The following PSD3 variants were observed in gnomAD, a reference collection of about 807,000 sequenced individuals.
The protein encoded by PSD3 is pleckstrin and Sec7 domain containing 3, also known as PH and SEC7 domain-containing protein 3.
In PSD3, 49 loss-of-function variants were observed where a neutral mutation model predicts 105.5. The ratio of observed to expected loss-of-function variants is 0.46; its 90% CI spans 0.37 to 0.59. PSD3 has a LOEUF of 0.59. Among genes scored for constraint, PSD3 ranks in the 20% least tolerant of loss-of-function variants. The pLI is 0.00. For missense variants in PSD3, 1,561 were observed against 1,263.8 expected (o/e 1.24, Z -3.57); for synonymous variants, 557 against 457.8 (o/e 1.22, Z -2.77).
intron 11 of PSD3, 64 bp downstream of exon 11, chr8:18,632,549 C>T (rs1806977143): frequency 1.3e-6 from 2 of 1,499,396 alleles, no homozygotes; most frequent in South Asian, 2.5e-5. Flanking sequence ...AGATAAATTC[C>T]CTTTAAATTT....
intron 2 of PSD3, among the ~76,000 whole-genome samples, chr8:18,910,637 T>A (rs578020681): frequency 5.2e-3 from 502 of 96,896 alleles, no homozygotes; most frequent in Non-Finnish European, 6.7e-3. Flanking sequence ...TAGAGTATAA[T>A]AAAAAAAAAA....
At chr8:18,959,200 C>G (rs994391689) in intron 1 of PSD3, among the ~76,000 whole-genome samples, 9 of 152,260 alleles carry the variant, frequency 5.9e-5, no homozygotes, top group African/African-American at 2.2e-4. Context: ...GGATTACGGG[C>G]GTGAGCCACC....
intron 1 of PSD3, among the ~76,000 whole-genome samples, chr8:19,008,952 T>C (rs1826830048): frequency 6.6e-6 from 1 of 152,224 alleles, no homozygotes; most frequent in South Asian, 2.1e-4. Context: ...CAACACCCTC[T>C]GTGGTTGAAG....
At chr8:19,045,226 G>T (rs1055736034) in intron 1 of PSD3, among the ~76,000 whole-genome samples, 2 of 151,846 alleles carry the variant, frequency 1.3e-5, no homozygotes, top group African/African-American at 4.8e-5. Context: ...AAAAGAAAAA[G>T]AAAAGTAAAA....
intron 1 of PSD3, among the ~76,000 whole-genome samples, chr8:19,038,551 C>A (rs1335624122): frequency 6.6e-6 from 1 of 152,182 alleles, no homozygotes; most frequent in Non-Finnish European, 1.5e-5. Context: ...GTCTTAACCT[C>A]CTGGGCTCAA....
At chr8:18,956,224 T>C (rs1402355648) in intron 1 of PSD3, among the ~76,000 whole-genome samples, 1 of 152,170 alleles carries the variant, frequency 6.6e-6, no homozygotes, top group East Asian at 1.9e-4. Flanking sequence ...GTTCAGCAGA[T>C]TGTATCACAT....
intron 9 of PSD3, among the ~76,000 whole-genome samples, chr8:18,761,577 A>T (rs928510136): frequency 3.3e-5 from 5 of 152,178 alleles, no homozygotes; most frequent in African/African-American, 9.7e-5. Flanking sequence ...TACAGTTCTC[A>T]AATCATAATC....
At chr8:18,860,766 A>C (rs1480262889) in intron 4 of PSD3, among the ~76,000 whole-genome samples, 2 of 152,164 alleles carry the variant, frequency 1.3e-5, no homozygotes, top group Non-Finnish European at 2.9e-5. Context: ...CTTCCTTTAA[A>C]AGTTAAATAT....
At chr8:18,571,962 G>A (rs1274664980) in intron 14 of PSD3, among the ~76,000 whole-genome samples, 1 of 152,114 alleles carries the variant, frequency 6.6e-6, no homozygotes, top group Non-Finnish European at 1.5e-5. Context: ...CTTTTAGTAA[G>A]ATTAATCTGA....
At chr8:18,972,939 T>C (rs1374960100) in intron 1 of PSD3, among the ~76,000 whole-genome samples, 1 of 152,158 alleles carries the variant, frequency 6.6e-6, no homozygotes, top group Non-Finnish European at 1.5e-5. Context: ...AACGAGGTTT[T>C]AAAAAAATGA....
chr8:18,643,636 T>C (rs1585479744), intron 10 of PSD3, among the ~76,000 whole-genome samples: 1 of 152,054 alleles, frequency 6.6e-6, no homozygotes, highest in South Asian at 2.1e-4. Context: ...CAAAACCAAA[T>C]AGGGAAAACA....
At chr8:18,849,030 C>T (rs946909955) in intron 4 of PSD3, among the ~76,000 whole-genome samples, 11 of 152,228 alleles carry the variant, frequency 7.2e-5, no homozygotes, top group Admixed American at 1.3e-4. Flanking sequence ...AGGCCAAAAT[C>T]ACCTTAGATC....
chr8:18,763,479 G>A (rs1806713985), intron 9 of PSD3, among the ~76,000 whole-genome samples: 1 of 151,992 alleles, frequency 6.6e-6, no homozygotes, highest in East Asian at 1.9e-4. Context: ...TTTTCCCCCA[G>A]AATTCAAGTA....
intron 8 of PSD3, among the ~76,000 whole-genome samples, chr8:18,767,298 T>G (rs146943103): frequency 5.9e-5 from 9 of 152,314 alleles, no homozygotes; most frequent in Middle Eastern, 3.4e-3. Flanking sequence ...AAACAACTAG[T>G]AGAAGCTGCT....
chr8:18,563,697 A>T (rs1801545740), intron 14 of PSD3, among the ~76,000 whole-genome samples: 1 of 152,210 alleles, frequency 6.6e-6, no homozygotes, highest in East Asian at 1.9e-4. Flanking sequence ...TATTAAATAC[A>T]GACCTCGAAG....
At chr8:18,980,700 C>T (rs1825206922) in intron 1 of PSD3, among the ~76,000 whole-genome samples, 1 of 152,018 alleles carries the variant, frequency 6.6e-6, no homozygotes. Context: ...CTATATGCTG[C>T]TTTTGGGCTT....
chr8:18,865,705 C>G lies in PSD3; in HGVS notation c.1634+1969G>C, dbSNP rs940880760. On this transcript the variant is annotated intron_variant, in intron 4 of 15. Transcript: ENST00000327040. ...AGACTCGGGGAGAGGCAAGCTGGCG[C>G]GTCTCCAAGGTGCTTGTCACTCACC... is the stretch of plus-strand genomic sequence containing the variant. Among the ~76,000 whole-genome samples, 3 of 152,212 alleles carry G rather than the reference C, an allele frequency of 2.0e-5. No homozygotes were observed. In the South Asian group the frequency reaches 6.2e-4, roughly 32 times the overall value.
At chr8:18,791,427 T>C (rs1001658100) in intron 8 of PSD3, among the ~76,000 whole-genome samples, 1 of 152,112 alleles carries the variant, frequency 6.6e-6, no homozygotes, top group South Asian at 2.1e-4. Flanking sequence ...TAAGACTGCA[T>C]GCCTACAACC....
chr8:19,058,808 A>T (rs1245154380), intron 1 of PSD3, among the ~76,000 whole-genome samples: 1 of 152,178 alleles, frequency 6.6e-6, no homozygotes, highest in Non-Finnish European at 1.5e-5. Flanking sequence ...AGAGGGAGCC[A>T]TCACGTGGAG....
Sources: allele counts gnomAD v4.1 joint callset (sites outside exome capture counted in the v4.1 genomes callset), GRCh38; gene constraint gnomAD v4.1.1; transcripts MANE v1.5; gene names NCBI Gene and HGNC (gene_info 2026-07-23, HGNC 2026-07-21).